CCL28: variants seen among roughly 807,000 people sequenced by gnomAD.
The protein encoded by CCL28 is C-C motif chemokine ligand 28.
CCL28 carries 4 observed loss-of-function variants against 7.1 expected under a neutral mutation model. The ratio of observed to expected loss-of-function variants is 0.56; its 90% CI spans 0.28 to 1.29. CCL28 has a LOEUF of 1.29. Ranked by LOEUF, CCL28 falls within the 50% of genes most tolerant of loss-of-function variation. CCL28 has a pLI of 0.11. For missense variants in CCL28, 151 were observed against 163.4 expected, an observed-to-expected ratio of 0.92 and a Z score of 0.41; for synonymous variants, 55 against 57.8, an observed-to-expected ratio of 0.95 and a Z score of 0.22.
chr5:43,368,006 A>G, the CCL28 span, among the ~76,000 whole-genome samples: 20 of 152,276 alleles, frequency 1.3e-4, no homozygotes, highest in African/African-American at 4.8e-4. Context: ...TTGCTAGGGT[A>G]TGTGATGGGG....
intron 2 of CCL28, among the ~76,000 whole-genome samples, chr5:43,384,682 A>G (rs1000730923): frequency 6.6e-6 from 1 of 151,904 alleles, no homozygotes; most frequent in African/African-American, 2.4e-5. Flanking sequence ...AGCTGGAGAT[A>G]GTCTGATGGA....
At chr5:43,404,491 A>C (rs1479445245) in intron 1 of CCL28, among the ~76,000 whole-genome samples, 2 of 152,228 alleles carry the variant, frequency 1.3e-5, no homozygotes, top group Non-Finnish European at 1.5e-5. Context: ...CCTGTCTTAC[A>C]AGAGCTCCTG....
chr5:43,409,192 G>A (rs1325948934), intron 1 of CCL28, among the ~76,000 whole-genome samples: 1 of 152,154 alleles, frequency 6.6e-6, no homozygotes, highest in Non-Finnish European at 1.5e-5. Flanking sequence ...TTGTGAGGCC[G>A]AGGTGGGTGT....
chr5:43,391,866 G>A (rs937431237), intron 1 of CCL28, among the ~76,000 whole-genome samples: 12 of 152,042 alleles, frequency 7.9e-5, no homozygotes, highest in Admixed American at 2.0e-4. Context: ...TAACTTCCCC[G>A]AGATCAAAGG....
At chr5:43,384,923 T>C (rs2111727267) in intron 2 of CCL28, among the ~76,000 whole-genome samples, 1 of 152,160 alleles carries the variant, frequency 6.6e-6, no homozygotes, top group South Asian at 2.1e-4. Flanking sequence ...TTTTTTTTTT[T>C]TGAGACGGAG....
At chr5:43,369,898 C>T in the CCL28 span, among the ~76,000 whole-genome samples, 1 of 152,122 alleles carries the variant, frequency 6.6e-6, no homozygotes, top group Non-Finnish European at 1.5e-5. Context: ...TTTTGGGAAC[C>T]CTGAGTCACC....
At chr5:43,412,056 G>C in intron 1 of CCL28, among the ~76,000 whole-genome samples, 197 bp downstream of exon 1, 1 of 152,242 alleles carries the variant, frequency 6.6e-6, no homozygotes, top group Non-Finnish European at 1.5e-5. Flanking sequence ...ATGCCTGTTA[G>C]AATGAGGTTC....
At chr5:43,359,488 G>A in the CCL28 span, among the ~76,000 whole-genome samples, 8 of 152,206 alleles carry the variant, frequency 5.3e-5, no homozygotes, top group Middle Eastern at 6.8e-3. Context: ...GCCCTGGGTC[G>A]GGCAGGTGTT....
At chr5:43,403,191 T>C (rs1741115229) in intron 1 of CCL28, among the ~76,000 whole-genome samples, 1 of 152,214 alleles carries the variant, frequency 6.6e-6, no homozygotes, top group Admixed American at 6.5e-5. Context: ...GTTTGAGATC[T>C]GAGAATGGAC....
At chr5:43,371,263 G>A in the CCL28 span, among the ~76,000 whole-genome samples, 1 of 152,072 alleles carries the variant, frequency 6.6e-6, no homozygotes, top group Non-Finnish European at 1.5e-5. Flanking sequence ...TTAACCAACA[G>A]CATAGCTTAG....
At chr5:43,372,269 T>C (rs759689623), downstream of CCL28, among the ~76,000 whole-genome samples, 2 of 152,230 alleles carry the variant, frequency 1.3e-5, no homozygotes, top group Non-Finnish European at 2.9e-5. Flanking sequence ...CTATCAGCAT[T>C]ATGCTTGTGA....
chr5:43,377,797 A>G (rs1450001789), downstream of CCL28, among the ~76,000 whole-genome samples: 2 of 120,960 alleles, frequency 1.7e-5, no homozygotes, highest in Non-Finnish European at 3.2e-5. Flanking sequence ...CAGTGGCGCA[A>G]TCTCGGCTCA....
chr5:43,400,004 C>A (rs1740967699), intron 1 of CCL28, among the ~76,000 whole-genome samples: 1 of 151,904 alleles, frequency 6.6e-6, no homozygotes. Context: ...CCCCACTATG[C>A]CTGGCTAATT....
intron 1 of CCL28, among the ~76,000 whole-genome samples, chr5:43,411,750 G>A (rs796356059): frequency 1.3e-5 from 2 of 152,180 alleles, no homozygotes; most frequent in African/African-American, 2.4e-5. Flanking sequence ...CCTTTTTAAA[G>A]GTCAGACTGA....
In CCL28 at chr5:43,383,456, T is replaced by C. The variant is rs534147620; in HGVS notation, c.192-1404A>G. ...TGAAATGGGAGAAAAGTGGGGAGAATCGGGGGAAAGTTACAAATGAGCTTT... is the reference window on the plus strand; with the variant it reads ...TGAAATGGGAGAAAAGTGGGGAGAACCGGGGGAAAGTTACAAATGAGCTTT... On this transcript the variant is annotated intron_variant, in intron 2 of 2. Coordinates refer to ENST00000361115, the MANE Select transcript of CCL28 (RefSeq NM_148672.3). 2.6e-5 allele frequency among the ~76,000 whole-genome samples: 4 copies of C among 152,186 alleles called. No homozygotes were observed. In the South Asian group the frequency reaches 6.2e-4, roughly 24 times the overall value.
chr5:43,409,786 C>T (rs1741459143), intron 1 of CCL28, among the ~76,000 whole-genome samples: 1 of 151,990 alleles, frequency 6.6e-6, no homozygotes, highest in African/African-American at 2.4e-5. Flanking sequence ...ATAAAACAGC[C>T]AGGCCCACAA....
In CCL28 at chr5:43,382,031, T is replaced by A. The variant is rs1740139972; in HGVS notation, c.213A>T (p.Arg71Ser). ...AAVILHVKRR[R>S]ICVSPHNHTV... ...TATGGTTGTGCGGGCTGACACAGAT[T>A]CTTCTGCGCTTGACATGAAGGCTGT... Residue 71 changes from arginine (R) to serine (S), a missense_variant, in exon 3 of 3, where the codon AGA (arginine) becomes AGT (serine). Coordinates refer to ENST00000361115, the MANE Select transcript of CCL28 (RefSeq NM_148672.3). The A allele has an allele frequency of 1.2e-6, 2 of 1,612,248 alleles. No homozygotes were observed. Among genetic ancestry groups the A allele is most frequent in the Non-Finnish European group, 1.7e-6 (2 of 1,179,096 alleles).
the CCL28 span, among the ~76,000 whole-genome samples, chr5:43,367,535 G>C: frequency 6.6e-6 from 1 of 152,220 alleles, no homozygotes; most frequent in East Asian, 1.9e-4. Context: ...GCCCCACCCT[G>C]CTTTGGCTCA....
At chr5:43,383,610 C>G (rs1357810905) in intron 2 of CCL28, among the ~76,000 whole-genome samples, 1 of 152,132 alleles carries the variant, frequency 6.6e-6, no homozygotes, top group Non-Finnish European at 1.5e-5. Flanking sequence ...CTAATTCTCA[C>G]TATGGTCAGT....
Sources: gnomAD v4.1 joint callset for allele counts (sites outside exome capture counted in the v4.1 genomes callset) on GRCh38, gnomAD v4.1.1 for gene constraint, MANE v1.5 for transcripts, NCBI Gene and HGNC (gene_info 2026-07-23, HGNC 2026-07-21) for gene names.